MACROD1: variants seen among roughly 807,000 people sequenced by gnomAD.
MACROD1 encodes ADP-ribose glycohydrolase MACROD1.
A neutral mutation model predicts 41.4 loss-of-function variants in MACROD1; 31 were observed. That is an observed-to-expected ratio of 0.75 (90% CI 0.56 to 1.01). The LOEUF is 1.01. MACROD1 is among the 50% of genes least tolerant of loss of function. The pLI is 0.00. For missense variants in MACROD1, 473 were observed against 460.0 expected, an observed-to-expected ratio of 1.03 and a Z score of -0.26; for synonymous variants, 252 against 203.4, an observed-to-expected ratio of 1.24 and a Z score of -2.03.
At chr11:64,005,323 C>T (rs903539941) in intron 4 of MACROD1, among the ~76,000 whole-genome samples, 5 of 152,332 alleles carry the variant, frequency 3.3e-5, no homozygotes, top group South Asian at 2.1e-4. Flanking sequence ...CCACCGCGCC[C>T]GGCCAAGACC....
At chr11:64,017,957 C>T (rs1031954783) in intron 3 of MACROD1, among the ~76,000 whole-genome samples, 1 of 152,096 alleles carries the variant, frequency 6.6e-6, no homozygotes, top group Non-Finnish European at 1.5e-5. Context: ...ATTCCCCTGC[C>T]CACCTGGCGC....
At chr11:64,001,181 G>C in intron 4 of MACROD1, 1 of 548,350 alleles carries the variant, frequency 1.8e-6, no homozygotes, top group Admixed American at 3.3e-5. Context: ...AGGGCACCGC[G>C]CAGGAGAGGC....
At position 64,096,405 on chromosome 11, in the gene MACROD1, G is replaced by A. The variant is rs1216999302; in HGVS notation, c.517+54834C>T. Reference sequence around the variant, plus strand: ...AGGTAGAGCTGGCAGGCAAGTGGTCGTTCCTGTCCCCTCTTTTTTTTTTTT... The same window carrying A: ...AGGTAGAGCTGGCAGGCAAGTGGTCATTCCTGTCCCCTCTTTTTTTTTTTT... On this transcript the variant is annotated intron_variant, in intron 3 of 10. Transcript: ENST00000255681. The surrounding 1 kb of genome is among the most constrained non-coding windows in gnomAD (Gnocchi z 4.6). Among the ~76,000 whole-genome samples, 1 of 151,790 alleles carries A rather than the reference G, an allele frequency of 6.6e-6. No homozygotes were observed. The highest frequency in any genetic ancestry group is 1.5e-5 in the Non-Finnish European group (1 of 67,912).
chr11:64,044,163 A>G (rs1943541235), intron 3 of MACROD1, among the ~76,000 whole-genome samples: 1 of 152,078 alleles, frequency 6.6e-6, no homozygotes, highest in African/African-American at 2.4e-5. Flanking sequence ...CTCAGCCTAC[A>G]ACACATGAGA....
Position 63,998,630 on chromosome 11 carries a change from G to GC in MACROD1, c.*87dup. ...GGAAAGAAGGGGTGGCCAGGCCCAG[G>GC]CCAGGCTGCAGGCTTTGGCGACCTC... On this transcript the variant is annotated 3_prime_UTR_variant, in exon 11 of 11. Coordinates refer to ENST00000255681, the MANE Select transcript of MACROD1 (RefSeq NM_014067.4). 7.6e-7 allele frequency: 1 copy of GC among 1,307,396 alleles called. No homozygotes were observed. The highest frequency in any genetic ancestry group is 9.7e-7 in the Non-Finnish European group (1 of 1,031,222). The allele number at this position is 1,307,396 out of a possible 1,614,324, so 81.0% of individuals were successfully genotyped here. A position where few individuals can be genotyped will look rare whatever the true frequency, so the allele number is the denominator to read the frequency against.
chr11:64,101,731 C>T (rs1944674868), intron 3 of MACROD1, among the ~76,000 whole-genome samples: 1 of 152,210 alleles, frequency 6.6e-6, no homozygotes, highest in South Asian at 2.1e-4. Context: ...CCTCATCTTC[C>T]CTCCTGCGTA....
chr11:64,095,266 C>A (rs1464306876), intron 3 of MACROD1, among the ~76,000 whole-genome samples: 4 of 152,180 alleles, frequency 2.6e-5, no homozygotes, highest in African/African-American at 9.7e-5. Flanking sequence ...ACTTTAAGTT[C>A]TTTTGAAGTG....
At chr11:64,083,098 A>G (rs1677861432) in intron 3 of MACROD1, 1 of 152,350 alleles carries the variant, frequency 6.6e-6, no homozygotes. Flanking sequence ...CAGGGGGGCA[A>G]AGTGACTCCA....
intron 3 of MACROD1, among the ~76,000 whole-genome samples, chr11:64,089,135 C>T (rs565085619): frequency 2.6e-5 from 4 of 152,296 alleles, no homozygotes; most frequent in African/African-American, 4.8e-5. Context: ...CCCAGGAGCC[C>T]GCTGGTGACC....
At chr11:64,053,117 A>G in intron 3 of MACROD1, among the ~76,000 whole-genome samples, 1 of 152,112 alleles carries the variant, frequency 6.6e-6, no homozygotes, top group Non-Finnish European at 1.5e-5. Flanking sequence ...GTGTGCAGGG[A>G]CCAAGAAGGT....
chr11:64,139,301 G>T (rs975221793), intron 3 of MACROD1, among the ~76,000 whole-genome samples: 1 of 152,158 alleles, frequency 6.6e-6, no homozygotes, highest in Non-Finnish European at 1.5e-5. Context: ...ATAAACAGCC[G>T]CGTCCCTGCC....
chr11:64,059,731 A>G (rs1361490020), intron 3 of MACROD1, among the ~76,000 whole-genome samples: 1 of 152,194 alleles, frequency 6.6e-6, no homozygotes, highest in Non-Finnish European at 1.5e-5. Context: ...CTCCCAGCTG[A>G]GGCAAACGCA....
chr11:64,143,739 C>A (rs1249841145), intron 3 of MACROD1, among the ~76,000 whole-genome samples: 1 of 142,358 alleles, frequency 7.0e-6, no homozygotes. Context: ...CTTCCCCCAA[C>A]CCCGACACAC....
intron 3 of MACROD1, among the ~76,000 whole-genome samples, chr11:64,033,259 C>A (rs1943317360): frequency 6.6e-6 from 1 of 152,206 alleles, no homozygotes; most frequent in Non-Finnish European, 1.5e-5. Context: ...TCCCTGGTGC[C>A]CTAAACAGCA....
At chr11:64,039,521 C>T (rs502224) in intron 3 of MACROD1, among the ~76,000 whole-genome samples, 38,006 of 152,012 alleles carry the variant, frequency 0.25, 5,757 homozygotes, top group African/African-American at 0.43. Context: ...CCATGGGACA[C>T]TCACCCTGAG....
chr11:64,113,603 G>C (rs1944903045), intron 3 of MACROD1, among the ~76,000 whole-genome samples: 1 of 117,554 alleles, frequency 8.5e-6, no homozygotes. Context: ...GGATGGTTAG[G>C]TGGATGGATG....
intron 3 of MACROD1, chr11:64,117,871 C>T: frequency 3.1e-6 from 5 of 1,614,130 alleles, no homozygotes; most frequent in Non-Finnish European, 4.2e-6. Flanking sequence ...AGCTATGGCC[C>T]TACCACCACA....
At chr11:64,143,729 C>A (rs1237265693) in intron 3 of MACROD1, among the ~76,000 whole-genome samples, 1 of 147,966 alleles carries the variant, frequency 6.8e-6, no homozygotes, top group Non-Finnish European at 1.5e-5. Flanking sequence ...GAGGTATTCC[C>A]TTCCCCCAAC....
intron 3 of MACROD1, among the ~76,000 whole-genome samples, chr11:64,085,405 G>A (rs1405672474): frequency 1.3e-5 from 2 of 152,234 alleles, no homozygotes. Context: ...TGCCTTCCGG[G>A]GACGGAGGGC....
Sources: gnomAD v4.1 joint callset for allele counts (sites outside exome capture counted in the v4.1 genomes callset) on GRCh38, gnomAD v4.1.1 for gene constraint, Gnocchi (gnomAD v3.1) non-coding constraint, MANE v1.5 for transcripts, NCBI Gene and HGNC (gene_info 2026-07-23, HGNC 2026-07-21) for gene names.